The following HEATR4 variants were observed in gnomAD, a reference collection of about 807,000 sequenced individuals.
HEATR4 encodes the protein HEAT repeat-containing protein 4.
In HEATR4, 95 loss-of-function variants were observed where a neutral mutation model predicts 108.8. The ratio of observed to expected loss-of-function variants is 0.87; its 90% confidence interval spans 0.74 to 1.04. The LOEUF (loss-of-function observed/expected upper bound fraction) is 1.04, where lower values mean the gene tolerates loss of function less well. Ranked by LOEUF, HEATR4 falls within the 50% of genes least tolerant of loss-of-function variation. The pLI is 0.00. For missense variants in HEATR4, 1,152 were observed against 1,253.8 expected (o/e 0.92, Z 1.23); for synonymous variants, 443 against 459.4 (o/e 0.96, Z 0.46).
intron 2 of HEATR4, among the ~76,000 whole-genome samples, chr14:73,525,841 T>C (rs1179446851): frequency 6.6e-6 from 1 of 151,774 alleles, no homozygotes; most frequent in Non-Finnish European, 1.5e-5. Flanking sequence ...TAATCCCAGC[T>C]ACTTGGGAGG....
chr14:73,622,934 A>T, the HEATR4 span, among the ~76,000 whole-genome samples: 1 of 151,472 alleles, frequency 6.6e-6, no homozygotes, highest in African/African-American at 2.4e-5. Context: ...TTTGAGACAG[A>T]GTTTTGCTCT....
At chr14:73,609,136 C>T in the HEATR4 span, among the ~76,000 whole-genome samples, 1 of 152,122 alleles carries the variant, frequency 6.6e-6, no homozygotes, top group Non-Finnish European at 1.5e-5. Flanking sequence ...GTTTTGTGAA[C>T]GATATTGATT....
chr14:73,597,924 A>G, the HEATR4 span, among the ~76,000 whole-genome samples: 4 of 150,804 alleles, frequency 2.7e-5, no homozygotes, highest in South Asian at 8.4e-4. Flanking sequence ...GGGTTTCGCC[A>G]TATTGGCCAG....
At chr14:73,584,189 G>A in the HEATR4 span, among the ~76,000 whole-genome samples, 1 of 151,638 alleles carries the variant, frequency 6.6e-6, no homozygotes, top group Non-Finnish European at 1.5e-5. Flanking sequence ...AGAAAGAGGC[G>A]AGCCTATAAA....
chr14:73,518,955 G>C (rs1380819337), intron 5 of HEATR4, 68 bp downstream of exon 5: 2 of 1,487,280 alleles, frequency 1.3e-6, no homozygotes, highest in Non-Finnish European at 1.8e-6. Context: ...CATGAATAGT[G>C]GGTAATGATG....
intron 17 of HEATR4, among the ~76,000 whole-genome samples, chr14:73,487,048 A>ACC (rs532273502): frequency 0.024 from 3,328 of 139,470 alleles, 88 homozygotes; most frequent in East Asian, 0.13. Flanking sequence ...CGGGCAGATC[A>ACC]TGAGGTCAGG....
chr14:73,588,004 ATTTTT>A, the HEATR4 span, among the ~76,000 whole-genome samples: 4 of 140,946 alleles, frequency 2.8e-5, no homozygotes, highest in African/African-American at 1.0e-4. Flanking sequence ...TATTTCTCTC[ATTTTT>A]TTTTTTTTTT....
intron 17 of HEATR4, among the ~76,000 whole-genome samples, chr14:73,485,914 A>G (rs1456356513): frequency 1.3e-5 from 2 of 151,712 alleles, no homozygotes; most frequent in East Asian, 3.9e-4. Context: ...GCGTCTCACC[A>G]TGTTGCTCAG....
chr14:73,506,674 C>T (rs1157705046), intron 9 of HEATR4, 103 bp from the exon 10 acceptor site: 5 of 824,204 alleles, frequency 6.1e-6, no homozygotes, highest in Non-Finnish European at 1.0e-5. Flanking sequence ...TTAATGTCAC[C>T]AGTGGGCTTA....
intron 8 of HEATR4, 67 bp from the exon 9 acceptor site, chr14:73,508,361 G>GT: frequency 4.1e-6 from 6 of 1,448,990 alleles, no homozygotes; most frequent in Non-Finnish European, 5.8e-6. Flanking sequence ...ACAGCCTTTG[G>GT]ATTGATACCC....
chr14:73,629,801 A>C, the HEATR4 span, among the ~76,000 whole-genome samples: 2 of 151,632 alleles, frequency 1.3e-5, no homozygotes, highest in East Asian at 1.9e-4. Flanking sequence ...CCCGCCACCA[A>C]GCCCGGCTAA....
intron 17 of HEATR4, among the ~76,000 whole-genome samples, chr14:73,486,069 A>G (rs1000646065): frequency 1.3e-5 from 2 of 152,136 alleles, no homozygotes; most frequent in Non-Finnish European, 2.9e-5. Context: ...TGGGTCAAAG[A>G]TATCAAAATT....
the HEATR4 span, among the ~76,000 whole-genome samples, chr14:73,629,745 C>T: frequency 2.8e-3 from 426 of 151,638 alleles, 2 homozygotes; most frequent in African/African-American, 1.0e-2. Context: ...CCCGGGTTCA[C>T]GCCATTCTCC....
intron 7 of HEATR4, among the ~76,000 whole-genome samples, chr14:73,510,177 A>G (rs575468588): frequency 6.6e-6 from 1 of 151,888 alleles, no homozygotes; most frequent in African/African-American, 2.4e-5. Context: ...TTATATTTGT[A>G]AGAACAATTA....
the HEATR4 span, among the ~76,000 whole-genome samples, chr14:73,579,440 T>TGCTGG: frequency 1.3e-5 from 2 of 151,008 alleles, no homozygotes; most frequent in Non-Finnish European, 3.0e-5. Flanking sequence ...CCGAGCGTGG[T>TGCTGG]GCTGGGCGCC....
At chr14:73,478,871 A>G in intron 17 of HEATR4, 29 bp from the exon 18 acceptor site, 1 of 1,547,146 alleles carries the variant, frequency 6.5e-7, no homozygotes, top group African/African-American at 1.4e-5. Context: ...ACATGAGTGC[A>G]TATGCCAAAC....
At position 73,498,357 on chromosome 14, in the gene HEATR4, G is replaced by C; in HGVS notation, c.2357-13C>G. The C allele has an allele frequency of 1.3e-6, 2 of 1,576,156 alleles. No homozygotes were observed. Among genetic ancestry groups the C allele is most frequent in the Non-Finnish European group, 8.7e-7 (1 of 1,153,776 alleles). On this transcript the variant is annotated splice_polypyrimidine_tract_variant and intron_variant, in intron 13 of 17. Coordinates refer to ENST00000553558, the MANE Select transcript of HEATR4 (RefSeq NM_001220484.1). The stretch of plus-strand genomic sequence containing the variant: ...ATCTGTCCCAAAGCTGCAGAGATTA[G>C]AGGGCAGCATGTCACTGAAGACTGA...
the HEATR4 span, among the ~76,000 whole-genome samples, chr14:73,626,471 A>G: frequency 1.3e-5 from 2 of 152,124 alleles, no homozygotes; most frequent in Non-Finnish European, 2.9e-5. Flanking sequence ...TGCAGTAGAA[A>G]AGTTTAAAGC....
the HEATR4 span, chr14:73,583,065 T>TGC: frequency 6.6e-6 from 1 of 152,164 alleles, no homozygotes; most frequent in Non-Finnish European, 1.5e-5. Context: ...CAGTTTTGGC[T>TGC]GCGCGCGGTG....
Sources: gnomAD v4.1 joint callset for allele counts (sites outside exome capture counted in the v4.1 genomes callset) on GRCh38, gnomAD v4.1.1 for gene constraint, MANE v1.5 for transcripts, NCBI Gene and HGNC (gene_info 2026-07-23, HGNC 2026-07-21) for gene names.